Variants in CSMD1 observed in about 807,000 individuals in gnomAD.
CSMD1 encodes the protein CUB and Sushi multiple domains 1, also known as CUB and sushi domain-containing protein 1.
CSMD1 carries 213 observed loss-of-function variants against 417.5 expected under a neutral mutation model. The observed-to-expected ratio is 0.51, with a 90% CI of 0.46 to 0.57. The LOEUF is 0.57. Among genes scored for constraint, CSMD1 ranks in the 20% least tolerant of loss-of-function variants. CSMD1 has a pLI of 0.00. For synonymous variants in CSMD1, 2,862 were observed against 1,736.8 expected (o/e 1.65, Z -16.11); for missense variants, 6,923 against 4,529.7 (o/e 1.53, Z -15.17).
chr8:3,153,752 C>T (rs1413972173), intron 39 of CSMD1, among the ~76,000 whole-genome samples: 1 of 152,110 alleles, frequency 6.6e-6, no homozygotes, highest in African/African-American at 2.4e-5. Flanking sequence ...TGTCTGTGTC[C>T]CACACAGACC....
intron 17 of CSMD1, among the ~76,000 whole-genome samples, chr8:3,392,352 G>T (rs1195238389): frequency 6.6e-6 from 1 of 152,112 alleles, no homozygotes; most frequent in Non-Finnish European, 1.5e-5. Flanking sequence ...GAATGTGTTG[G>T]ATGAGTGAGT....
chr8:4,990,850 T>C (rs544857885), intron 1 of CSMD1, among the ~76,000 whole-genome samples: 2 of 152,262 alleles, frequency 1.3e-5, no homozygotes, highest in Admixed American at 1.3e-4. Flanking sequence ...TCTAAAACCA[T>C]GCAGGTATGG....
At position 4,866,747 on chromosome 8, in the gene CSMD1, T is replaced by G. The variant is rs572814478; in HGVS notation, c.85+127585A>C. ...AATTTTCAACCTCGATCGTTCAAAC[T>G]CATTTTTTAAAATTATTATAAACAC... On this transcript the variant is annotated intron_variant, in intron 1 of 69. Transcript: ENST00000635120. 4.6e-5 allele frequency among the ~76,000 whole-genome samples: 7 copies of G among 152,132 alleles called. No homozygotes were observed. The South Asian group carries it at 1.5e-3, about 32-fold the overall frequency.
chr8:4,637,793 C>G (rs1337676755), intron 1 of CSMD1, among the ~76,000 whole-genome samples: 1 of 151,748 alleles, frequency 6.6e-6, no homozygotes, highest in Non-Finnish European at 1.5e-5. Flanking sequence ...GCCTCAGCCT[C>G]CCGAGTAGGT....
intron 10 of CSMD1, among the ~76,000 whole-genome samples, chr8:3,547,520 T>C (rs117939813): frequency 0.028 from 4,299 of 152,318 alleles, 82 homozygotes; most frequent in Non-Finnish European, 0.043. Flanking sequence ...ATCACGTCTC[T>C]CAAATAAGAA....
intron 6 of CSMD1, among the ~76,000 whole-genome samples, chr8:3,722,286 C>T (rs971384159): frequency 2.6e-5 from 4 of 151,878 alleles, no homozygotes; most frequent in South Asian, 2.1e-4. Flanking sequence ...CCAGCCTGGG[C>T]GACAGAGTGA....
chr8:3,942,660 G>T (rs1246005225), intron 5 of CSMD1, among the ~76,000 whole-genome samples: 1 of 152,086 alleles, frequency 6.6e-6, no homozygotes, highest in Non-Finnish European at 1.5e-5. Flanking sequence ...TTTAAAAACT[G>T]TTTATGATTT....
intron 5 of CSMD1, among the ~76,000 whole-genome samples, chr8:3,989,740 G>T (rs567605431): frequency 6.6e-6 from 1 of 152,190 alleles, no homozygotes; most frequent in Non-Finnish European, 1.5e-5. Flanking sequence ...AAAGTCATAG[G>T]TGGGAAACGC....
intron 3 of CSMD1, among the ~76,000 whole-genome samples, chr8:4,239,754 T>C (rs748932370): frequency 4.6e-5 from 7 of 152,202 alleles, no homozygotes; most frequent in Non-Finnish European, 8.8e-5. Context: ...GGTTTCTTAA[T>C]GATGACAATG....
rs553891700 is a variant in CSMD1 at position 4,195,898 on chromosome 8, AC to A, written c.416-163800del. On this transcript the variant is annotated intron_variant, in intron 3 of 69. Coordinates refer to ENST00000635120, the MANE Select transcript of CSMD1 (RefSeq NM_033225.6). ...ACGGCAGAGGACTCAGCACAGTCCC[AC>A]CCCGAGAAAACTATGAGATAAAAAA... 1.3e-3 allele frequency among the ~76,000 whole-genome samples: 200 copies of A among 152,088 alleles called. 2 individuals carry two copies. The highest frequency in any genetic ancestry group is 4.6e-3 in the African/African-American group (191 of 41,498).
intron 2 of CSMD1, among the ~76,000 whole-genome samples, chr8:4,632,620 A>G (rs1012602120): frequency 6.6e-6 from 1 of 152,172 alleles, no homozygotes; most frequent in Non-Finnish European, 1.5e-5. Flanking sequence ...TAGACATCTG[A>G]ATGTACAAAG....
chr8:4,316,784 G>A (rs1352166660), intron 3 of CSMD1, among the ~76,000 whole-genome samples: 7 of 152,196 alleles, frequency 4.6e-5, no homozygotes, highest in African/African-American at 1.4e-4. Context: ...AAATCCAGAA[G>A]TAAATCTATA....
chr8:4,263,472 A>G (rs1028085483), intron 3 of CSMD1, among the ~76,000 whole-genome samples: 14 of 152,332 alleles, frequency 9.2e-5, no homozygotes, highest in African/African-American at 3.4e-4. Flanking sequence ...GTTCCTTCCA[A>G]ACTAGTCCAA....
At chr8:4,676,496 A>C (rs1199185552) in intron 1 of CSMD1, among the ~76,000 whole-genome samples, 3 of 152,072 alleles carry the variant, frequency 2.0e-5, no homozygotes, top group Non-Finnish European at 4.4e-5. Context: ...AGGTCCTGCT[A>C]ATTTTGCCTT....
chr8:4,086,777 G>A (rs1458121582), intron 3 of CSMD1, among the ~76,000 whole-genome samples: 1 of 152,128 alleles, frequency 6.6e-6, no homozygotes, highest in Non-Finnish European at 1.5e-5. Flanking sequence ...TTTTTCAACT[G>A]AGTGAATGAA....
At chr8:4,326,578 C>A (rs535120484) in intron 3 of CSMD1, among the ~76,000 whole-genome samples, 1 of 152,194 alleles carries the variant, frequency 6.6e-6, no homozygotes. Context: ...GAAGCAATTC[C>A]AAACTTCTTT....
At chr8:4,200,788 A>G (rs977004516) in intron 3 of CSMD1, among the ~76,000 whole-genome samples, 2 of 152,180 alleles carry the variant, frequency 1.3e-5, no homozygotes, top group South Asian at 2.1e-4. Context: ...GTTAATGGAG[A>G]CGGAGGCTTC....
intron 10 of CSMD1, among the ~76,000 whole-genome samples, chr8:3,518,766 T>A (rs924810346): frequency 1.3e-5 from 2 of 151,096 alleles, no homozygotes; most frequent in African/African-American, 4.9e-5. Context: ...TTACATGCTC[T>A]GTTTGTTAGA....
chr8:4,893,436 TTTTC>T (rs1804263432), intron 1 of CSMD1, among the ~76,000 whole-genome samples: 1 of 152,124 alleles, frequency 6.6e-6, no homozygotes, highest in Non-Finnish European at 1.5e-5. Flanking sequence ...AGTTAAATGT[TTTTC>T]TTTATGTCTT....
Sources: gnomAD v4.1 joint callset for allele counts (sites outside exome capture counted in the v4.1 genomes callset) on GRCh38, gnomAD v4.1.1 for gene constraint, MANE v1.5 for transcripts, NCBI Gene and HGNC (gene_info 2026-07-23, HGNC 2026-07-21) for gene names.